Variants in MACROD2 observed in about 807,000 individuals in gnomAD.
The protein encoded by MACROD2 is mono-ADP ribosylhydrolase 2, also known as ADP-ribose glycohydrolase MACROD2.
A neutral mutation model predicts 70.4 loss-of-function variants in MACROD2; 36 were observed. The observed-to-expected ratio is 0.51, with a 90% CI of 0.39 to 0.68. The LOEUF (loss-of-function observed/expected upper bound fraction) is 0.68, where lower values mean the gene tolerates loss of function less well. Among genes scored for constraint, MACROD2 ranks in the 30% least tolerant of loss-of-function variants. MACROD2 has a pLI of 0.00. For missense variants in MACROD2, 496 were observed against 538.4 expected, an observed-to-expected ratio of 0.92 and a Z score of 0.78; for synonymous variants, 172 against 178.8, an observed-to-expected ratio of 0.96 and a Z score of 0.30.
intron 8 of MACROD2, among the ~76,000 whole-genome samples, chr20:15,659,659 T>G (rs967297585): frequency 6.6e-6 from 1 of 152,030 alleles, no homozygotes; most frequent in African/African-American, 2.4e-5. Flanking sequence ...GCCAGGTGTC[T>G]TAGTCCATTT....
At chr20:15,782,104 T>C (rs1378630303) in intron 8 of MACROD2, among the ~76,000 whole-genome samples, 1 of 152,086 alleles carries the variant, frequency 6.6e-6, no homozygotes, top group African/African-American at 2.4e-5. Context: ...AAAACTTGCA[T>C]TTTTATTTTT....
rs77732351 is a variant in MACROD2 at position 14,205,658 on chromosome 20, G to A, written c.271+119930G>A. Among the ~76,000 whole-genome samples the A allele has an allele frequency of 3.0e-3, 455 of 152,302 alleles. 2 individuals carry two copies. Among genetic ancestry groups the A allele is most frequent in the African/African-American group, 0.01 (429 of 41,556 alleles). ...AGCCTCCTGTGCTAATGAACTTGGTGGGTTGGAGGTTCTCCTGGGACCCTG... is the reference window on the plus strand; with the variant it reads ...AGCCTCCTGTGCTAATGAACTTGGTAGGTTGGAGGTTCTCCTGGGACCCTG... On this transcript the variant is annotated intron_variant, in intron 3 of 17. Transcript: ENST00000684519.
intron 8 of MACROD2, among the ~76,000 whole-genome samples, chr20:15,567,535 C>T (rs1262193219): frequency 1.3e-5 from 2 of 152,216 alleles, no homozygotes; most frequent in Admixed American, 1.3e-4. Context: ...GAACCTTGTT[C>T]ATGTGCTTTC....
chr20:15,420,121 C>T (rs1314767998), intron 6 of MACROD2, among the ~76,000 whole-genome samples: 1 of 152,134 alleles, frequency 6.6e-6, no homozygotes. Context: ...GTCACACAAG[C>T]AAGCTCAGGC....
chr20:14,907,354 A>C (rs6135304), intron 5 of MACROD2, among the ~76,000 whole-genome samples: 1 of 152,110 alleles, frequency 6.6e-6, no homozygotes, highest in Non-Finnish European at 1.5e-5. Context: ...TGCTGCTTCA[A>C]TAAAAGTTGC....
At position 14,942,152 on chromosome 20, in the gene MACROD2, T is replaced by G. The variant is rs2074396020; in HGVS notation, c.418+257193T>G. 2.0e-5 allele frequency among the ~76,000 whole-genome samples: 3 copies of G among 152,076 alleles called. 1 individual carries two copies. In the South Asian group the frequency reaches 6.2e-4, roughly 32 times the overall value. On this transcript the variant is annotated intron_variant, in intron 5 of 17. Transcript: ENST00000684519. ...ACAATGTGTTGCTTTTTCTTGCTTT[T>G]AAAACCTGCCAGGTGGTCACTTATT...
At chr20:14,678,402 T>A (rs1300021494) in intron 4 of MACROD2, among the ~76,000 whole-genome samples, 1 of 152,082 alleles carries the variant, frequency 6.6e-6, no homozygotes, top group Non-Finnish European at 1.5e-5. Flanking sequence ...CTAGCCACAG[T>A]GGTCTTGAAA....
intron 3 of MACROD2, among the ~76,000 whole-genome samples, chr20:14,157,082 T>C (rs561264610): frequency 6.6e-6 from 1 of 152,316 alleles, no homozygotes; most frequent in African/African-American, 2.4e-5. Context: ...AATTAGGTGA[T>C]TGACTTTTAG....
In MACROD2 at chr20:14,911,212, A is replaced by G. The variant is rs115177610; in HGVS notation, c.418+226253A>G. ...ATGAGAGTCCGTATTGGCAACTTCT[A>G]GGAATACATAGTTTAACCAGTTCCT... On this transcript the variant is annotated intron_variant, in intron 5 of 17. Coordinates refer to ENST00000684519, the MANE Select transcript of MACROD2 (RefSeq NM_001351661.2). Among the ~76,000 whole-genome samples, 1,204 of 152,302 alleles carry G rather than the reference A, an allele frequency of 7.9e-3. 15 individuals carry two copies. Among genetic ancestry groups the G allele is most frequent in the African/African-American group, 0.027 (1,133 of 41,558 alleles).
At chr20:15,181,200 G>A (rs1016778357) in intron 5 of MACROD2, among the ~76,000 whole-genome samples, 9 of 152,144 alleles carry the variant, frequency 5.9e-5, no homozygotes, top group African/African-American at 2.2e-4. Flanking sequence ...ATTCACGTTT[G>A]GCGGTGGATG....
At chr20:14,747,349 A>G (rs116473394) in intron 5 of MACROD2, among the ~76,000 whole-genome samples, 166 of 152,298 alleles carry the variant, frequency 1.1e-3, no homozygotes, top group African/African-American at 3.6e-3. Flanking sequence ...CTTAAGCATC[A>G]AGATAGAGGC....
chr20:14,405,083 G>A (rs1302525503), intron 3 of MACROD2, among the ~76,000 whole-genome samples: 1 of 152,088 alleles, frequency 6.6e-6, no homozygotes, highest in Non-Finnish European at 1.5e-5. Flanking sequence ...AAACTTACAT[G>A]TATCTAATAT....
chr20:15,191,019 G>A (rs528274809), intron 5 of MACROD2, among the ~76,000 whole-genome samples: 3 of 152,238 alleles, frequency 2.0e-5, no homozygotes, highest in East Asian at 3.9e-4. Flanking sequence ...CAGCAAGGCC[G>A]CAGTGCCAAA....
At chr20:14,607,083 G>A (rs1235686363) in intron 4 of MACROD2, among the ~76,000 whole-genome samples, 3 of 151,952 alleles carry the variant, frequency 2.0e-5, no homozygotes, top group Non-Finnish European at 4.4e-5. Flanking sequence ...TGACTTTTAC[G>A]CCATGTTTTG....
chr20:14,325,815 T>C (rs1474404888), intron 3 of MACROD2: 3 of 1,613,952 alleles, frequency 1.9e-6, no homozygotes, highest in Non-Finnish European at 1.7e-6. Context: ...CTTTGCTATA[T>C]GCACAGTTCC....
intron 3 of MACROD2, among the ~76,000 whole-genome samples, chr20:14,110,839 C>A (rs559492394): frequency 2.0e-5 from 3 of 151,902 alleles, no homozygotes; most frequent in Non-Finnish European, 4.4e-5. Context: ...TATCAAAATA[C>A]CAATGGCATT....
Position 15,377,971 on chromosome 20 carries a change from A to G in MACROD2, c.541-53434A>G, listed in dbSNP as rs550790652. 2.0e-5 allele frequency among the ~76,000 whole-genome samples: 3 copies of G among 152,194 alleles called. No homozygotes were observed. In the East Asian group the frequency reaches 5.8e-4, roughly 29 times the overall value. Reference sequence around the variant, plus strand: ...AACACATGGACACAGGGAGGGAAACATCACACACTGGGGCCTGTCGGTGGG... The same window carrying G: ...AACACATGGACACAGGGAGGGAAACGTCACACACTGGGGCCTGTCGGTGGG... On this transcript the variant is annotated intron_variant, in intron 6 of 17. Transcript: ENST00000684519.
At chr20:14,562,303 A>T (rs1306108418) in intron 4 of MACROD2, among the ~76,000 whole-genome samples, 2 of 152,022 alleles carry the variant, frequency 1.3e-5, no homozygotes, top group East Asian at 3.9e-4. Flanking sequence ...TTGTCTAAAT[A>T]TGTAAGTAGA....
intron 10 of MACROD2, among the ~76,000 whole-genome samples, chr20:15,925,209 G>T (rs964942328): frequency 1.3e-5 from 2 of 152,082 alleles, no homozygotes; most frequent in Non-Finnish European, 2.9e-5. Flanking sequence ...GTACCATGAA[G>T]TCATTGGAAG....
Sources: allele counts gnomAD v4.1 joint callset (sites outside exome capture counted in the v4.1 genomes callset), GRCh38; gene constraint gnomAD v4.1.1; transcripts MANE v1.5; gene names NCBI Gene and HGNC (gene_info 2026-07-23, HGNC 2026-07-21).